Variants in L3MBTL4 observed in about 807,000 individuals in gnomAD.
The protein encoded by L3MBTL4 is L3MBTL histone methyl-lysine binding protein 4.
A neutral mutation model predicts 84.5 loss-of-function variants in L3MBTL4; 70 were observed. The ratio of observed to expected loss-of-function variants is 0.83; its 90% confidence interval spans 0.68 to 1.01. L3MBTL4 has a LOEUF of 1.01. Ranked by LOEUF, L3MBTL4 falls within the 50% of genes least tolerant of loss-of-function variation. L3MBTL4 has a pLI of 0.00. For missense variants in L3MBTL4, 715 were observed against 754.8 expected (o/e 0.95, Z 0.62); for synonymous variants, 274 against 259.8 (o/e 1.05, Z -0.52).
chr18:6,142,790 C>T (rs1381284662), intron 13 of L3MBTL4, among the ~76,000 whole-genome samples: 1 of 152,058 alleles, frequency 6.6e-6, no homozygotes, highest in Non-Finnish European at 1.5e-5. Flanking sequence ...GGCATGGTGG[C>T]ATGTACCGAT....
At chr18:6,329,877 A>T (rs2051934212) in intron 1 of L3MBTL4, among the ~76,000 whole-genome samples, 1 of 152,200 alleles carries the variant, frequency 6.6e-6, no homozygotes, top group Admixed American at 6.5e-5. Flanking sequence ...AAGTTTCGAC[A>T]GGAGTTTTGG....
chr18:6,173,902 G>C (rs16949557), intron 12 of L3MBTL4, among the ~76,000 whole-genome samples: 5,512 of 152,210 alleles, frequency 0.036, 347 homozygotes, highest in African/African-American at 0.12. Context: ...ATACGGGGCT[G>C]AGAATGAAAC....
At chr18:6,285,529 T>G (rs2049533029) in intron 4 of L3MBTL4, among the ~76,000 whole-genome samples, 1 of 139,390 alleles carries the variant, frequency 7.2e-6, no homozygotes, top group African/African-American at 3.3e-5. Context: ...TATGTGAAAG[T>G]CATCATATAA....
At position 5,990,207 on chromosome 18, in the gene L3MBTL4, C is replaced by T. The variant is rs563910741; in HGVS notation, c.1445-20645G>A. ...GTGATCTTGTTCTACAGGAAGGTTA[C>T]GTGTATTGCTGGACTATCGATTTTC... is the stretch of plus-strand genomic sequence containing the variant. On this transcript the variant is annotated intron_variant, in intron 16 of 18. Transcript: ENST00000317931. Among the ~76,000 whole-genome samples, 77 of 152,260 alleles carry T rather than the reference C, an allele frequency of 5.1e-4. 1 individual carries two copies. The highest frequency in any genetic ancestry group is 1.7e-3 in the African/African-American group (70 of 41,544).
chr18:6,399,464 A>T (rs551193957), intron 1 of L3MBTL4, among the ~76,000 whole-genome samples: 13 of 152,028 alleles, frequency 8.6e-5, no homozygotes, highest in African/African-American at 3.1e-4. Flanking sequence ...AAAAAAAAGG[A>T]AACAGTGGCA....
intron 3 of L3MBTL4, among the ~76,000 whole-genome samples, chr18:6,309,816 CAATT>C (rs1334804136): frequency 5.3e-5 from 8 of 152,192 alleles, no homozygotes; most frequent in African/African-American, 1.9e-4. Flanking sequence ...ATGATACTGA[CAATT>C]AATATAAAAT....
chr18:6,065,059 G>C (rs1012031843), intron 16 of L3MBTL4, among the ~76,000 whole-genome samples: 1 of 151,870 alleles, frequency 6.6e-6, no homozygotes, highest in Admixed American at 6.6e-5. Flanking sequence ...TTAGAATAAA[G>C]GGATGTTGAA....
chr18:6,045,639 T>G (rs2056585558), intron 16 of L3MBTL4, among the ~76,000 whole-genome samples: 1 of 152,156 alleles, frequency 6.6e-6, no homozygotes, highest in Non-Finnish European at 1.5e-5. Context: ...AGGAAAGACC[T>G]GCCTCCATGA....
At chr18:5,982,009 T>TGTGTGTGTGTGTG (rs1567946143) in intron 16 of L3MBTL4, among the ~76,000 whole-genome samples, 24 of 95,426 alleles carry the variant, frequency 2.5e-4, no homozygotes, top group African/African-American at 1.3e-3. Context: ...TGTGTGTGTG[T>TGTGTGTGTGTGTG]TTTGGGAAAA....
chr18:5,957,003 AT>A (rs1343839409), intron 18 of L3MBTL4, among the ~76,000 whole-genome samples: 1 of 152,214 alleles, frequency 6.6e-6, no homozygotes, highest in Non-Finnish European at 1.5e-5. Flanking sequence ...GCATGGCTGC[AT>A]GTATACATAT....
rs143985745 is a variant in L3MBTL4, at chr18:6,410,771, CCA to C, written c.-91+4028_-91+4029del. Among the ~76,000 whole-genome samples, 1,128 of 152,292 alleles carry C rather than the reference CCA, an allele frequency of 7.4e-3. 21 individuals are homozygous for C. The highest frequency in any genetic ancestry group is 0.026 in the African/African-American group (1,090 of 41,542). On this transcript the variant is annotated intron_variant, in intron 1 of 18. Transcript: ENST00000317931. ...AATCAATTATTAATTGTGGCAGCGA[CCA>C]CACTTTTATCATTTCACATCCATCT...
intron 1 of L3MBTL4, among the ~76,000 whole-genome samples, chr18:6,388,265 T>C (rs1437414946): frequency 6.6e-6 from 1 of 152,198 alleles, no homozygotes; most frequent in Non-Finnish European, 1.5e-5. Flanking sequence ...GTATTAAGGA[T>C]GGTTATTCTG....
intron 16 of L3MBTL4, among the ~76,000 whole-genome samples, chr18:5,992,993 A>G (rs1420225563): frequency 6.6e-6 from 1 of 152,234 alleles, no homozygotes; most frequent in African/African-American, 2.4e-5. Flanking sequence ...TCGATTCCAG[A>G]AAGATCACCT....
intron 1 of L3MBTL4, among the ~76,000 whole-genome samples, chr18:6,393,193 A>T (rs6506384): frequency 0.76 from 115,206 of 151,956 alleles, 44,708 homozygotes; most frequent in African/African-American, 0.94. Flanking sequence ...ATGAATCACA[A>T]ATATTTGCTT....
At chr18:6,307,978 G>T (rs1294475030) in intron 3 of L3MBTL4, among the ~76,000 whole-genome samples, 1 of 152,108 alleles carries the variant, frequency 6.6e-6, no homozygotes, top group Non-Finnish European at 1.5e-5. Flanking sequence ...TTATTTTGGG[G>T]TTTTGTGCGC....
intron 4 of L3MBTL4, among the ~76,000 whole-genome samples, chr18:6,287,440 C>T (rs1160500754): frequency 4.6e-5 from 7 of 152,162 alleles, no homozygotes; most frequent in African/African-American, 1.7e-4. Flanking sequence ...AAAATTTCTC[C>T]TCTTTCTCCT....
At chr18:6,001,846 A>C (rs918781697) in intron 16 of L3MBTL4, among the ~76,000 whole-genome samples, 1 of 152,218 alleles carries the variant, frequency 6.6e-6, no homozygotes, top group Admixed American at 6.5e-5. Flanking sequence ...GAAGGAAAAA[A>C]GAGAGGGAGC....
chr18:5,982,765 T>G (rs1375664262), intron 16 of L3MBTL4, among the ~76,000 whole-genome samples: 2 of 152,184 alleles, frequency 1.3e-5, no homozygotes, highest in Non-Finnish European at 2.9e-5. Context: ...CACATATGCT[T>G]AAGAGGGATA....
chr18:6,031,156 A>G, intron 16 of L3MBTL4: 1 of 985,428 alleles, frequency 1.0e-6, no homozygotes, highest in East Asian at 1.1e-4. Flanking sequence ...TCTTGTCCTG[A>G]TTTATGCTCC....
Sources: gnomAD v4.1 joint callset for allele counts (sites outside exome capture counted in the v4.1 genomes callset) on GRCh38, gnomAD v4.1.1 for gene constraint, MANE v1.5 for transcripts, NCBI Gene and HGNC (gene_info 2026-07-23, HGNC 2026-07-21) for gene names.